ROBO1: variants seen among roughly 807,000 people sequenced by gnomAD.
ROBO1 encodes the protein roundabout homolog 1.
In ROBO1, 149 loss-of-function variants were observed where a neutral mutation model predicts 195.9. The ratio of observed to expected loss-of-function variants is 0.76; its 90% CI spans 0.67 to 0.87. The LOEUF is 0.87. Ranked by LOEUF, ROBO1 falls within the 40% of genes least tolerant of loss-of-function variation. The pLI is 0.00. For synonymous variants in ROBO1, 816 were observed against 733.2 expected (o/e 1.11, Z -1.82); for missense variants, 1,933 against 2,068.3 (o/e 0.93, Z 1.27).
intron 2 of ROBO1, among the ~76,000 whole-genome samples, chr3:79,427,269 A>C (rs1020437775): frequency 1.3e-5 from 2 of 152,298 alleles, no homozygotes; most frequent in East Asian, 1.9e-4. Flanking sequence ...CATTTTTTCA[A>C]GTACTTGGAT....
At chr3:79,686,172 C>A (rs181509941) in intron 1 of ROBO1, among the ~76,000 whole-genome samples, 4 of 152,136 alleles carry the variant, frequency 2.6e-5, no homozygotes, top group Non-Finnish European at 2.9e-5. Flanking sequence ...ATTCAACAAC[C>A]GTTCATGCTA....
chr3:78,684,966 T>C (rs759462896), intron 10 of ROBO1, among the ~76,000 whole-genome samples: 3 of 152,160 alleles, frequency 2.0e-5, no homozygotes, highest in Non-Finnish European at 4.4e-5. Flanking sequence ...AGTGAAAATA[T>C]TATTCCAATC....
intron 26 of ROBO1, among the ~76,000 whole-genome samples, chr3:78,625,952 A>C (rs527293360): frequency 6.6e-6 from 1 of 152,160 alleles, no homozygotes; most frequent in African/African-American, 2.4e-5. Context: ...CCAAGAAGAG[A>C]AGGAGAACTG....
At chr3:79,366,271 T>A (rs2035973042) in intron 2 of ROBO1, among the ~76,000 whole-genome samples, 1 of 152,188 alleles carries the variant, frequency 6.6e-6, no homozygotes, top group Non-Finnish European at 1.5e-5. Context: ...TGTTTATTAC[T>A]CTTCCTAACA....
At chr3:78,751,494 AAT>A (rs1174543734) in intron 4 of ROBO1, among the ~76,000 whole-genome samples, 4 of 152,116 alleles carry the variant, frequency 2.6e-5, no homozygotes, top group South Asian at 4.1e-4. Context: ...GCCAAGCTAG[AAT>A]ATAGAACTCC....
intron 2 of ROBO1, among the ~76,000 whole-genome samples, chr3:79,400,468 C>T (rs548737451): frequency 1.4e-4 from 22 of 152,174 alleles, no homozygotes; most frequent in Admixed American, 1.1e-3. Flanking sequence ...CCCCCCATCA[C>T]GCAAATCATG....
chr3:79,062,956 A>T (rs1458124639), intron 3 of ROBO1, among the ~76,000 whole-genome samples: 1 of 152,062 alleles, frequency 6.6e-6, no homozygotes, highest in East Asian at 1.9e-4. Flanking sequence ...CGTTCTGCAC[A>T]TGTACCCTAG....
At chr3:79,222,396 T>C (rs2082155758) in intron 2 of ROBO1, among the ~76,000 whole-genome samples, 1 of 152,102 alleles carries the variant, frequency 6.6e-6, no homozygotes, top group Non-Finnish European at 1.5e-5. Context: ...CCACAATTAG[T>C]AAATATTATT....
Position 78,982,124 on chromosome 3 carries a change from C to T in ROBO1, c.173-43197G>A, listed in dbSNP as rs114767264. On this transcript the variant is annotated intron_variant, in intron 3 of 30. Transcript: ENST00000464233. ...CCTTTCCAAAAGTTGTCATCACCTCCCGCAAGAGCTCTGAGGACATTTGTC... is the reference window on the plus strand; with the variant it reads ...CCTTTCCAAAAGTTGTCATCACCTCTCGCAAGAGCTCTGAGGACATTTGTC... Among the ~76,000 whole-genome samples, 1,068 of 152,204 alleles carry T rather than the reference C, an allele frequency of 7.0e-3. 8 individuals are homozygous for T. The highest frequency in any genetic ancestry group is 0.012 in the Non-Finnish European group (789 of 68,016).
At chr3:78,999,198 G>A (rs1039588482) in intron 3 of ROBO1, among the ~76,000 whole-genome samples, 1 of 151,878 alleles carries the variant, frequency 6.6e-6, no homozygotes, top group African/African-American at 2.4e-5. Context: ...TACTATTCAA[G>A]CCCCAAATCC....
chr3:79,388,559 G>GA (rs1017626078), intron 2 of ROBO1, among the ~76,000 whole-genome samples: 88 of 149,300 alleles, frequency 5.9e-4, no homozygotes, highest in East Asian at 4.9e-3. Flanking sequence ...TAGCATTGCA[G>GA]AAAAAAAAAA....
intron 2 of ROBO1, among the ~76,000 whole-genome samples, chr3:79,163,350 G>A (rs957689470): frequency 2.0e-5 from 3 of 152,104 alleles, no homozygotes; most frequent in African/African-American, 4.8e-5. Flanking sequence ...TGCAGCATGT[G>A]TCAGAATCCC....
intron 3 of ROBO1, among the ~76,000 whole-genome samples, chr3:79,053,397 G>A (rs184633678): frequency 1.3e-5 from 2 of 152,088 alleles, no homozygotes; most frequent in East Asian, 3.9e-4. Flanking sequence ...GCTGGTACTT[G>A]TAGTTCCCAT....
intron 4 of ROBO1, among the ~76,000 whole-genome samples, chr3:78,912,730 A>G (rs2038322016): frequency 6.6e-6 from 1 of 152,162 alleles, no homozygotes; most frequent in African/African-American, 2.4e-5. Context: ...TAGAAAGTTC[A>G]GGCTGTATGT....
intron 2 of ROBO1, among the ~76,000 whole-genome samples, chr3:79,452,943 G>A (rs1238675245): frequency 6.6e-6 from 1 of 151,928 alleles, no homozygotes; most frequent in African/African-American, 2.4e-5. Context: ...AAAGGGAAAT[G>A]ATATAAAAAC....
At chr3:78,943,990 G>A (rs1050575277) in intron 3 of ROBO1, among the ~76,000 whole-genome samples, 3 of 152,066 alleles carry the variant, frequency 2.0e-5, no homozygotes, top group East Asian at 3.9e-4. Flanking sequence ...AAAGTATAAT[G>A]AATTATTATT....
chr3:79,672,143 T>C (rs568106983), intron 1 of ROBO1, among the ~76,000 whole-genome samples: 13 of 152,136 alleles, frequency 8.5e-5, no homozygotes, highest in South Asian at 6.2e-4. Flanking sequence ...TAATTTGCTC[T>C]TGTATTTTCA....
intron 3 of ROBO1, among the ~76,000 whole-genome samples, chr3:79,075,429 G>T (rs749282990): frequency 7.2e-5 from 11 of 151,892 alleles, no homozygotes; most frequent in Non-Finnish European, 1.3e-4. Flanking sequence ...TTGATTACAT[G>T]CAAAGTAGTA....
chr3:78,917,852 G>GT (rs1024427234), intron 4 of ROBO1, among the ~76,000 whole-genome samples: 7 of 151,928 alleles, frequency 4.6e-5, no homozygotes, highest in African/African-American at 9.7e-5. Context: ...GAAATGAGTG[G>GT]TTTTTTTTCC....
Sources: gnomAD v4.1 joint callset for allele counts (sites outside exome capture counted in the v4.1 genomes callset) on GRCh38, gnomAD v4.1.1 for gene constraint, MANE v1.5 for transcripts, NCBI Gene and HGNC (gene_info 2026-07-23, HGNC 2026-07-21) for gene names.